PDE1C: variants seen among roughly 807,000 people sequenced by gnomAD.
PDE1C encodes phosphodiesterase 1C, also known as dual specificity calcium/calmodulin-dependent 3',5'-cyclic nucleotide phosphodiesterase 1C.
PDE1C carries 62 observed loss-of-function variants against 93.1 expected under a neutral mutation model. That is an observed-to-expected ratio of 0.67 (90% CI 0.54 to 0.82). The LOEUF is 0.82. Ranked by LOEUF, PDE1C falls within the 40% of genes least tolerant of loss-of-function variation. PDE1C has a pLI of 0.00. For missense variants in PDE1C, 742 were observed against 884.6 expected (o/e 0.84, Z 2.04); for synonymous variants, 325 against 310.1 (o/e 1.05, Z -0.50).
At chr7:32,314,286 A>T (rs1783124068) in intron 1 of PDE1C, among the ~76,000 whole-genome samples, 1 of 152,186 alleles carries the variant, frequency 6.6e-6, no homozygotes, top group African/African-American at 2.4e-5. Flanking sequence ...ACTAGAAAAC[A>T]TAAATACTGT....
intron 15 of PDE1C, among the ~76,000 whole-genome samples, chr7:31,813,408 A>G (rs989747370): frequency 2.6e-5 from 4 of 152,102 alleles, no homozygotes; most frequent in South Asian, 2.1e-4. Context: ...TGGTTGTGTA[A>G]ATTCATTTCA....
intron 16 of PDE1C, among the ~76,000 whole-genome samples, chr7:31,791,606 C>T (rs1784602085): frequency 6.6e-6 from 1 of 152,032 alleles, no homozygotes; most frequent in Non-Finnish European, 1.5e-5. Context: ...CAGAGATGTC[C>T]CCAGACCCTC....
intron 2 of PDE1C, among the ~76,000 whole-genome samples, chr7:32,171,405 G>GA (rs144419556): frequency 1.1e-4 from 16 of 143,780 alleles, no homozygotes; most frequent in African/African-American, 7.7e-5. Context: ...AAAATATTCA[G>GA]AAAAAAAAAA....
the PDE1C span, among the ~76,000 whole-genome samples, chr7:31,701,755 G>A: frequency 7.6e-4 from 116 of 152,192 alleles, no homozygotes; most frequent in Non-Finnish European, 1.4e-3. Flanking sequence ...CAACATTGAG[G>A]CAAGCCTCTC....
chr7:32,190,276 G>T (rs1432503723), intron 2 of PDE1C, among the ~76,000 whole-genome samples: 1 of 152,166 alleles, frequency 6.6e-6, no homozygotes, highest in Non-Finnish European at 1.5e-5. Context: ...ATGTTCCCTG[G>T]ACTTGCACAT....
At position 31,806,214 on chromosome 7, in the gene PDE1C, C is replaced by T. The variant is rs150817954; in HGVS notation, c.1891+2817G>A. ...ATCATAATCTGTTGTTTGAGAGGCA[C>T]AAAAGATGGCTATCTCTTATTTCTC... On this transcript the variant is annotated intron_variant, in intron 16 of 17. Coordinates refer to ENST00000396191, the MANE Select transcript of PDE1C (RefSeq NM_001191057.4). Among the ~76,000 whole-genome samples, 427 of 151,934 alleles carry T rather than the reference C, an allele frequency of 2.8e-3. 4 individuals carry two copies. Among genetic ancestry groups the T allele is most frequent in the Middle Eastern group, 0.014 (4 of 294 alleles).
chr7:31,811,362 G>A (rs775465541), intron 15 of PDE1C, among the ~76,000 whole-genome samples: 1 of 151,992 alleles, frequency 6.6e-6, no homozygotes, highest in Non-Finnish European at 1.5e-5. Context: ...TCAGCAGTGT[G>A]AAAACAGACT....
chr7:32,063,776 T>C (rs1425208425), intron 1 of PDE1C, among the ~76,000 whole-genome samples: 1 of 152,248 alleles, frequency 6.6e-6, no homozygotes, highest in Non-Finnish European at 1.5e-5. Context: ...AATGTCTCCC[T>C]TCTCTGAATC....
chr7:31,652,809 G>A, the PDE1C span: 549 of 1,612,966 alleles, frequency 3.4e-4, 1 homozygote, highest in Middle Eastern at 6.8e-3. Context: ...TGGAGAAAAG[G>A]ATGCAGATGT....
chr7:32,085,974 A>G (rs1190456736), intron 3 of PDE1C, among the ~76,000 whole-genome samples: 1 of 151,592 alleles, frequency 6.6e-6, no homozygotes, highest in Non-Finnish European at 1.5e-5. Flanking sequence ...CACCACTCCT[A>G]TTCAACATAG....
In PDE1C at chr7:32,166,080, G is replaced by C. The variant is rs545440827; in HGVS notation, c.308+3705C>G. Among the ~76,000 whole-genome samples the C allele has an allele frequency of 2.0e-5, 3 of 151,864 alleles. No individual in the cohort carries two copies. In the East Asian group the frequency reaches 5.8e-4, roughly 29 times the overall value. ...AAAAAAAAAAGACATTATGTGAAGCGGTGGATATGTTATTTAGCTTGATTT... is the reference window on the plus strand; with the variant it reads ...AAAAAAAAAAGACATTATGTGAAGCCGTGGATATGTTATTTAGCTTGATTT... On this transcript the variant is annotated intron_variant, in intron 3 of 18. Coordinates refer to the PDE1C transcript ENST00000396193.
At chr7:31,930,045 A>T (rs1297277783) in intron 2 of PDE1C, among the ~76,000 whole-genome samples, 1 of 152,184 alleles carries the variant, frequency 6.6e-6, no homozygotes, top group East Asian at 1.9e-4. Context: ...AGAGAGAAGA[A>T]TCAAATAGAC....
Position 31,790,250 on chromosome 7 carries a change from T to G in PDE1C, c.1892-14518A>C, listed in dbSNP as rs760082526. The G allele has an allele frequency of 3.7e-6, 6 of 1,612,486 alleles. No homozygotes were observed. In the Admixed American group the frequency reaches 1.0e-4, roughly 27 times the overall value. The stretch of plus-strand genomic sequence containing the variant: ...TTATTGTCTATGAGGTCTTTTTTAC[T>G]CTTGTGAATCTGAAAAAAAGAAAAA... On this transcript the variant is annotated intron_variant, in intron 16 of 17. Coordinates refer to ENST00000396191, the MANE Select transcript of PDE1C (RefSeq NM_001191057.4).
At chr7:31,666,904 A>C in the PDE1C span, among the ~76,000 whole-genome samples, 1 of 152,198 alleles carries the variant, frequency 6.6e-6, no homozygotes, top group Non-Finnish European at 1.5e-5. Context: ...TCTTTTAAAG[A>C]GAAACTGTCA....
Position 32,255,319 on chromosome 7 carries a change from G to T in PDE1C, c.85+43332C>A, listed in dbSNP as rs189584860. Among the ~76,000 whole-genome samples the T allele has an allele frequency of 8.8e-4, 134 of 152,290 alleles. 1 individual carries two copies. Among genetic ancestry groups the T allele is most frequent in the African/African-American group, 3.1e-3 (127 of 41,566 alleles). On this transcript the variant is annotated intron_variant, in intron 1 of 18. Transcript: ENST00000396193. ...CTCTCTCACTGAGAGAGCAGCAGACGCAGGGGAGGGGAAGGAGCCTGGGCT... is the reference window on the plus strand; with the variant it reads ...CTCTCTCACTGAGAGAGCAGCAGACTCAGGGGAGGGGAAGGAGCCTGGGCT...
intron 3 of PDE1C, among the ~76,000 whole-genome samples, chr7:32,153,487 A>T (rs1446366580): frequency 6.6e-6 from 1 of 152,198 alleles, no homozygotes; most frequent in African/African-American, 2.4e-5. Context: ...AAACAAGAGA[A>T]GGTCAAGGGG....
intron 1 of PDE1C, among the ~76,000 whole-genome samples, chr7:32,398,957 C>T (rs960252893): frequency 1.3e-5 from 2 of 152,184 alleles, no homozygotes; most frequent in East Asian, 3.9e-4. Context: ...ATTTAGTTTG[C>T]ATCTGATTCT....
At chr7:32,158,403 C>A in intron 3 of PDE1C, among the ~76,000 whole-genome samples, 1 of 152,292 alleles carries the variant, frequency 6.6e-6, no homozygotes, top group East Asian at 1.9e-4. Context: ...TTGGACCTAG[C>A]AAATTCACTT....
At chr7:31,657,112 TA>T in the PDE1C span, among the ~76,000 whole-genome samples, 2 of 147,982 alleles carry the variant, frequency 1.4e-5, no homozygotes, top group Non-Finnish European at 1.5e-5. Flanking sequence ...AAAATATATA[TA>T]AAATCATATA....
Sources: allele counts gnomAD v4.1 joint callset (sites outside exome capture counted in the v4.1 genomes callset), GRCh38; gene constraint gnomAD v4.1.1; transcripts MANE v1.5; gene names NCBI Gene and HGNC (gene_info 2026-07-23, HGNC 2026-07-21).